SLC23A2: variants seen among roughly 807,000 people sequenced by gnomAD.
SLC23A2 encodes the protein solute carrier family 23 member 2, also known as Na(+)/L-ascorbic acid transporter 2.
A neutral mutation model predicts 73.3 loss-of-function variants in SLC23A2; 36 were observed. The ratio of observed to expected loss-of-function variants is 0.49; its 90% CI spans 0.38 to 0.65. The LOEUF is 0.65. Ranked by LOEUF, SLC23A2 falls within the 30% of genes least tolerant of loss-of-function variation. The probability of loss-of-function intolerance (pLI) is 0.00; values close to 1 mark genes in which losing one functional copy is unlikely to be tolerated. For synonymous variants in SLC23A2, 343 were observed against 327.3 expected, an observed-to-expected ratio of 1.05 and a Z score of -0.52; for missense variants, 507 against 841.6, an observed-to-expected ratio of 0.60 and a Z score of 4.92.
In SLC23A2 at chr20:4,902,219, G is replaced by A. The variant is rs1454594803; in HGVS notation, c.324+223C>T. ...GACTTTTGCCATGTTACCCAGGCTG[G>A]TCTTGAGCTCCTAGGCTCCAGTGAT... On this transcript the variant is annotated intron_variant, in intron 5 of 16. Coordinates refer to ENST00000338244, the MANE Select transcript of SLC23A2 (RefSeq NM_005116.6). This position sits in a 1 kb window ranked among gnomAD's most constrained non-coding sequence, Gnocchi z 4.0. Among the ~76,000 whole-genome samples, 2 of 152,166 alleles carry A rather than the reference G, an allele frequency of 1.3e-5. No homozygotes were observed. The highest frequency in any genetic ancestry group is 2.9e-5 in the Non-Finnish European group (2 of 68,038).
chr20:4,920,287 T>C (rs1387894999), intron 3 of SLC23A2, among the ~76,000 whole-genome samples: 1 of 152,180 alleles, frequency 6.6e-6, no homozygotes, highest in Non-Finnish European at 1.5e-5. Flanking sequence ...TCTTTCTACC[T>C]ACTAATCGGG....
At chr20:4,916,674 C>A (rs1023346609) in intron 3 of SLC23A2, among the ~76,000 whole-genome samples, 15 of 152,170 alleles carry the variant, frequency 9.9e-5, no homozygotes, top group African/African-American at 3.4e-4. Flanking sequence ...GTATAATGAT[C>A]CCCAACTTAA....
Position 4,902,585 on chromosome 20 carries a change from T to C in SLC23A2, c.208-27A>G. The stretch of plus-strand genomic sequence containing the variant: ...TGCGAGCCAGAAGGAGAAAAGAAGG[T>C]GCTCATTAAACGTGAAGACCAGTGT... On this transcript the variant is annotated intron_variant, in intron 4 of 16. Transcript: ENST00000338244. The surrounding 1 kb of genome is among the most constrained non-coding windows in gnomAD (Gnocchi z 4.0). 1.4e-6 allele frequency: 2 copies of C among 1,393,876 alleles called. No individual in the cohort carries two copies. Among genetic ancestry groups the C allele is most frequent in the Non-Finnish European group, 2.0e-6 (2 of 990,136 alleles). The allele number at this position is 1,393,876 out of a possible 1,614,324, so 86.3% of individuals were successfully genotyped here. A position where few individuals can be genotyped will look rare whatever the true frequency, so the allele number is the denominator to read the frequency against.
intron 1 of SLC23A2, among the ~76,000 whole-genome samples, chr20:4,976,491 C>T (rs1164592059): frequency 6.6e-6 from 1 of 151,268 alleles, no homozygotes; most frequent in African/African-American, 2.4e-5. Flanking sequence ...GCCTGGCCAA[C>T]ACGGTGAAAC....
intron 6 of SLC23A2, among the ~76,000 whole-genome samples, chr20:4,898,152 C>T (rs1311251504): frequency 1.3e-5 from 2 of 152,254 alleles, no homozygotes; most frequent in East Asian, 3.8e-4. Flanking sequence ...AGTGATATCC[C>T]TGCCCTGCCC....
At chr20:4,992,446 T>C (rs2087940669) in intron 1 of SLC23A2, among the ~76,000 whole-genome samples, 2 of 149,666 alleles carry the variant, frequency 1.3e-5, no homozygotes, top group Admixed American at 6.7e-5. Flanking sequence ...AAAACATGAG[T>C]GAATACCTAT....
intron 12 of SLC23A2, 86 bp downstream of exon 12, chr20:4,869,819 TG>T: frequency 8.0e-7 from 1 of 1,252,888 alleles, no homozygotes; most frequent in Non-Finnish European, 1.1e-6. Context: ...CTGAAACTCT[TG>T]GTTTTGTCTT....
chr20:4,964,589 G>A (rs1156660119), intron 2 of SLC23A2, among the ~76,000 whole-genome samples: 1 of 152,164 alleles, frequency 6.6e-6, no homozygotes, highest in Admixed American at 6.5e-5. Flanking sequence ...AACGTAAGGA[G>A]TGCATTATTA....
intron 9 of SLC23A2, among the ~76,000 whole-genome samples, chr20:4,880,965 G>A (rs1172564848): frequency 2.6e-5 from 4 of 152,232 alleles, no homozygotes; most frequent in African/African-American, 9.6e-5. Context: ...GGCCAAGGGC[G>A]AGCAAGGCTC....
intron 2 of SLC23A2, among the ~76,000 whole-genome samples, chr20:4,943,998 G>C (rs1275365579): frequency 6.6e-6 from 1 of 152,176 alleles, no homozygotes; most frequent in East Asian, 1.9e-4. Context: ...AAGAATGGAG[G>C]AAAGGGCTCC....
intron 2 of SLC23A2, among the ~76,000 whole-genome samples, chr20:4,943,392 G>T (rs969470059): frequency 2.6e-5 from 4 of 151,988 alleles, no homozygotes; most frequent in African/African-American, 9.7e-5. Context: ...TCTGGGCCAG[G>T]CACGGTGGAT....
chr20:4,903,174 G>GT (rs1225093557), intron 4 of SLC23A2, among the ~76,000 whole-genome samples: 11 of 152,072 alleles, frequency 7.2e-5, no homozygotes, highest in South Asian at 2.1e-4. Context: ...TAGGTGACAG[G>GT]TTTTTTCTTC....
At chr20:4,973,593 G>A (rs1486277775) in intron 1 of SLC23A2, among the ~76,000 whole-genome samples, 1 of 152,182 alleles carries the variant, frequency 6.6e-6, no homozygotes, top group Non-Finnish European at 1.5e-5. Context: ...AAGGAATCAC[G>A]ATACAAACAA....
At position 4,852,747 on chromosome 20, in the gene SLC23A2, G is replaced by A. The variant is rs1929573090; in HGVS notation, c.*4225C>T. On this transcript the variant is annotated 3_prime_UTR_variant, in exon 17 of 17. Transcript: ENST00000338244. This position sits in a 1 kb window ranked among gnomAD's most constrained non-coding sequence, Gnocchi z 4.3. ...ATTGTTACTAACGAACAAAAAAGGAGAGTCATTTGAACTGTCAGTAAGATG... is the reference window on the plus strand; with the variant it reads ...ATTGTTACTAACGAACAAAAAAGGAAAGTCATTTGAACTGTCAGTAAGATG... The A allele has an allele frequency of 1.3e-5, 2 of 152,356 alleles. No homozygotes were observed. The highest frequency in any genetic ancestry group is 2.9e-5 in the Non-Finnish European group (2 of 68,028). 9.4% of individuals were successfully genotyped at this position (152,356 alleles called of 1,614,324 possible). A position where few individuals can be genotyped will look rare whatever the true frequency, so the allele number is the denominator to read the frequency against.
At position 4,986,873 on chromosome 20, in the gene SLC23A2, A is replaced by C. The variant is rs187305246; in HGVS notation, c.-282+14533T>G. On this transcript the variant is annotated intron_variant, in intron 1 of 16. Coordinates refer to ENST00000338244, the MANE Select transcript of SLC23A2 (RefSeq NM_005116.6). ...ATCATTGTAAGCAATGGAACTAAAC[A>C]CCAGAAAAAGTATATTTGACCCTGG... is the stretch of plus-strand genomic sequence containing the variant. Among the ~76,000 whole-genome samples the C allele has an allele frequency of 8.4e-3, 1,281 of 152,138 alleles. 47 individuals are homozygous for C. The South Asian group carries it at 0.14, about 16-fold the overall frequency.
At chr20:4,978,243 C>T (rs1204627808) in intron 1 of SLC23A2, among the ~76,000 whole-genome samples, 1 of 152,132 alleles carries the variant, frequency 6.6e-6, no homozygotes, top group East Asian at 1.9e-4. Context: ...ATAAGTCAAG[C>T]TCAGTTAACA....
At chr20:4,917,150 A>C (rs1288296890) in intron 3 of SLC23A2, among the ~76,000 whole-genome samples, 1 of 152,168 alleles carries the variant, frequency 6.6e-6, no homozygotes, top group Non-Finnish European at 1.5e-5. Flanking sequence ...GTTACACAGG[A>C]GGCAGTCAGT....
chr20:4,897,466 C>A (rs774702715), intron 6 of SLC23A2, among the ~76,000 whole-genome samples: 1 of 152,226 alleles, frequency 6.6e-6, no homozygotes, highest in Admixed American at 6.5e-5. Context: ...GCTGCTTTCA[C>A]CCAGCCTTGT....
chr20:5,003,466 G>C (rs769142856), upstream of SLC23A2, among the ~76,000 whole-genome samples: 1 of 151,168 alleles, frequency 6.6e-6, no homozygotes. Flanking sequence ...GCATTGCCCC[G>C]TAACCATCAT....
Sources: gnomAD v4.1 joint callset for allele counts (sites outside exome capture counted in the v4.1 genomes callset) on GRCh38, gnomAD v4.1.1 for gene constraint, Gnocchi (gnomAD v3.1) non-coding constraint, MANE v1.5 for transcripts, NCBI Gene and HGNC (gene_info 2026-07-23, HGNC 2026-07-21) for gene names.